EEA1: variants seen among roughly 807,000 people sequenced by gnomAD.
EEA1 encodes early endosome antigen 1, 162kD.
EEA1 carries 111 observed loss-of-function variants against 209.2 expected under a neutral mutation model. The ratio of observed to expected loss-of-function variants is 0.53; its 90% CI spans 0.45 to 0.62. EEA1 has a LOEUF of 0.62. Among genes scored for constraint, EEA1 ranks in the 20% least tolerant of loss-of-function variants. The pLI is 0.00. For missense variants in EEA1, 1,343 were observed against 1,530.8 expected (o/e 0.88, Z 2.05); for synonymous variants, 536 against 540.6 (o/e 0.99, Z 0.12).
chr12:92,914,096 G>T (rs976620968), intron 1 of EEA1, among the ~76,000 whole-genome samples: 5 of 151,792 alleles, frequency 3.3e-5, no homozygotes, highest in Non-Finnish European at 7.4e-5. Flanking sequence ...TCTATTTATT[G>T]AATAAAGTAT....
chr12:92,890,932 T>A (rs1459193546), intron 2 of EEA1, among the ~76,000 whole-genome samples: 2 of 152,066 alleles, frequency 1.3e-5, no homozygotes, highest in African/African-American at 4.8e-5. Context: ...AAAAAAAGAC[T>A]GGGTAAGGAC....
chr12:92,872,528 T>C (rs943646106), intron 2 of EEA1, among the ~76,000 whole-genome samples: 28 of 152,266 alleles, frequency 1.8e-4, no homozygotes, highest in Non-Finnish European at 3.8e-4. Context: ...TTCTTCCTTG[T>C]AATTTTCTGA....
intron 1 of EEA1, among the ~76,000 whole-genome samples, chr12:92,915,942 C>A (rs1219871205): frequency 6.6e-6 from 1 of 152,120 alleles, no homozygotes; most frequent in Non-Finnish European, 1.5e-5. Flanking sequence ...TTGTCTCTCA[C>A]AAGCAGCCAA....
intron 17 of EEA1, among the ~76,000 whole-genome samples, chr12:92,810,419 A>G (rs1434401891): frequency 6.6e-6 from 1 of 152,122 alleles, no homozygotes; most frequent in Admixed American, 6.5e-5. Flanking sequence ...GTTATTTTTA[A>G]CCATGCCTAA....
intron 1 of EEA1, among the ~76,000 whole-genome samples, chr12:92,921,759 G>GAAAAAAAAAAAAA (rs751838383): frequency 9.1e-5 from 7 of 76,716 alleles, no homozygotes; most frequent in African/African-American, 2.1e-4. Context: ...TAAAAAAAAA[G>GAAAAAAAAAAAAA]AAAAAAAAAA....
chr12:92,896,269 G>A (rs1879878147), intron 1 of EEA1, among the ~76,000 whole-genome samples: 1 of 152,290 alleles, frequency 6.6e-6, no homozygotes, highest in East Asian at 1.9e-4. Context: ...ATCGCGCCTG[G>A]CATGACTGAT....
In EEA1 at chr12:92,782,132, C is replaced by T. The variant is rs1326302379; in HGVS notation, c.3154G>A (p.Val1052Ile). 2 of 1,595,562 alleles carry T rather than the reference C, an allele frequency of 1.3e-6. No individual in the cohort carries two copies. Among genetic ancestry groups the T allele is most frequent in the South Asian group, 1.1e-5 (1 of 88,830 alleles). The change falls in exon 23 of 29, where the codon GTA becomes ATA. Residue 1052 changes from valine to isoleucine, a missense_variant. Around this residue, in one of 3 missense-constraint regions of EEA1, gnomAD observed 1,307 missense variants for 1,465.5 expected, o/e 0.89. Transcript: ENST00000322349. ...LLATRQDLKS[V>I]EEKLSLAQED... is the part of the protein sequence containing the mutation. The stretch of plus-strand genomic sequence containing the variant: ...TGTGCTAGAGAAAGCTTCTCTTCTA[C>T]AGACTTACAAAAACAATTTTCCCAA...
chr12:92,869,516 G>T (rs1252057646), intron 2 of EEA1, among the ~76,000 whole-genome samples: 2 of 151,402 alleles, frequency 1.3e-5, no homozygotes, highest in African/African-American at 4.9e-5. Flanking sequence ...GGCCAAGGCA[G>T]GCCGATGACT....
intron 12 of EEA1, among the ~76,000 whole-genome samples, chr12:92,827,686 A>T (rs992596482): frequency 6.6e-6 from 1 of 152,244 alleles, no homozygotes; most frequent in South Asian, 2.1e-4. Context: ...TTTCCTGCCT[A>T]AACCTGAAAG....
chr12:92,904,607 CTT>C lies in EEA1; in HGVS notation c.25-12888_25-12887del, dbSNP rs1224321683. 3.9e-5 allele frequency among the ~76,000 whole-genome samples: 6 copies of C among 152,208 alleles called. 1 individual carries two copies. Among genetic ancestry groups the C allele is most frequent in the Admixed American group, 2.6e-4 (4 of 15,282 alleles). ...ATAAAAGGTCCCCAGGTTACCCACA[CTT>C]TTGTCTACTTTGGCTACATGTCGGG... On this transcript the variant is annotated intron_variant, in intron 1 of 28. Transcript: ENST00000322349.
At chr12:92,838,458 C>G (rs139568078) in intron 10 of EEA1, among the ~76,000 whole-genome samples, 9 of 152,108 alleles carry the variant, frequency 5.9e-5, no homozygotes, top group African/African-American at 2.2e-4. Context: ...AACAGAGGGA[C>G]AAAGGCAAAA....
intron 9 of EEA1, among the ~76,000 whole-genome samples, chr12:92,842,944 C>A (rs1877231897): frequency 6.6e-6 from 1 of 152,136 alleles, no homozygotes; most frequent in African/African-American, 2.4e-5. Flanking sequence ...TTCCTCCCAA[C>A]TTCTATAGCA....
At chr12:92,866,835 C>T (rs960821881) in intron 2 of EEA1, among the ~76,000 whole-genome samples, 3 of 152,170 alleles carry the variant, frequency 2.0e-5, no homozygotes, top group Non-Finnish European at 4.4e-5. Flanking sequence ...TTCACCTAAA[C>T]TAGAAACCTA....
chr12:92,913,278 A>G (rs904792297), intron 1 of EEA1, among the ~76,000 whole-genome samples: 5 of 151,964 alleles, frequency 3.3e-5, no homozygotes, highest in Admixed American at 3.3e-4. Flanking sequence ...TGCATTTTTA[A>G]TTTGCATTTC....
At position 92,776,803 on chromosome 12, in the gene EEA1, A is replaced by G. The variant is rs1181533789; in HGVS notation, c.4113+41T>C. 4 of 1,551,144 alleles carry G rather than the reference A, an allele frequency of 2.6e-6. No individual in the cohort carries two copies. In the East Asian group the frequency reaches 6.8e-5, roughly 26 times the overall value. ...TTAAAACATTAATTATCAGTGACAA[A>G]TGAAATCCAGAAACATAGTTACATG... is the stretch of plus-strand genomic sequence containing the variant. On this transcript the variant is annotated intron_variant, in intron 28 of 28. Transcript: ENST00000322349.
chr12:92,923,203 C>T (rs61935352), intron 1 of EEA1, among the ~76,000 whole-genome samples: 39,039 of 151,550 alleles, frequency 0.26, 5,505 homozygotes, highest in Non-Finnish European at 0.32. Flanking sequence ...AAAAAATTAG[C>T]CAGGCACGGT....
intron 11 of EEA1, among the ~76,000 whole-genome samples, chr12:92,830,219 A>C (rs533829567): frequency 6.6e-6 from 1 of 152,240 alleles, no homozygotes; most frequent in Admixed American, 6.5e-5. Context: ...GGTTTGTTAT[A>C]TAGGTAAATT....
Position 92,848,401 on chromosome 12 carries a change from C to A in EEA1, c.798+2710G>T, listed in dbSNP as rs527672080. Among the ~76,000 whole-genome samples the A allele has an allele frequency of 9.9e-5, 15 of 152,224 alleles. No individual in the cohort carries two copies. The South Asian group carries it at 3.1e-3, about 32-fold the overall frequency. On this transcript the variant is annotated intron_variant, in intron 9 of 28. Transcript: ENST00000322349. ...CTTTGGGAAACTAAGGCAGAAGGAT[C>A]TGCTTGAGGCCAGGAGGTCAAGACC... is the stretch of plus-strand genomic sequence containing the variant.
At chr12:92,868,186 G>T (rs1464407581) in intron 2 of EEA1, among the ~76,000 whole-genome samples, 1 of 152,120 alleles carries the variant, frequency 6.6e-6, no homozygotes, top group Non-Finnish European at 1.5e-5. Context: ...CAGAGATATG[G>T]TACTCAACAT....
Sources: allele counts gnomAD v4.1 joint callset (sites outside exome capture counted in the v4.1 genomes callset), GRCh38; gene constraint gnomAD v4.1.1; regional missense constraint gnomAD v4.1.1; transcripts MANE v1.5; gene names NCBI Gene and HGNC (gene_info 2026-07-23, HGNC 2026-07-21).